Variants in ANXA2 observed in about 807,000 individuals in gnomAD.
ANXA2 encodes the protein annexin II.
A neutral mutation model predicts 47.3 loss-of-function variants in ANXA2; 28 were observed. That is an observed-to-expected ratio of 0.59 (90% CI 0.44 to 0.81). ANXA2 has a LOEUF of 0.81. Among genes scored for constraint, ANXA2 ranks in the 40% least tolerant of loss-of-function variants. ANXA2 has a pLI of 0.00. For missense variants in ANXA2, 384 were observed against 414.3 expected (o/e 0.93, Z 0.64); for synonymous variants, 172 against 155.5 (o/e 1.11, Z -0.79).
chr15:60,355,978 T>C lies in ANXA2; in HGVS notation c.469A>G (p.Lys157Glu), dbSNP rs1457172914. The change falls in exon 7 of 13, where the codon AAG (lysine) becomes GAG (glutamate). Residue 157 changes from lysine (K) to glutamate (E), a missense_variant. Coordinates refer to ENST00000451270, the MANE Select transcript of ANXA2 (RefSeq NM_004039.3). ...YKEMYKTDLE[K>E]DIISDTSGDF... Reference sequence around the variant, plus strand: ...CCAGATGTGTCCGAAATAATGTCCTTCTCCAGATCAGTCTTGTACACTTGG... The same window carrying C: ...CCAGATGTGTCCGAAATAATGTCCTCCTCCAGATCAGTCTTGTACACTTGG... 1 of 1,613,954 alleles carries C rather than the reference T, an allele frequency of 6.2e-7. No individual in the cohort carries two copies. The highest frequency in any genetic ancestry group is 8.5e-7 in the Non-Finnish European group (1 of 1,179,858).
intron 3 of ANXA2, among the ~76,000 whole-genome samples, chr15:60,379,928 C>T (rs1566945165): frequency 6.6e-6 from 1 of 152,192 alleles, no homozygotes; most frequent in South Asian, 2.1e-4. Context: ...GCAATCTTTA[C>T]ATTCCAGTGC....
intron 3 of ANXA2, among the ~76,000 whole-genome samples, chr15:60,369,856 A>G (rs2062689151): frequency 6.6e-6 from 1 of 152,214 alleles, no homozygotes; most frequent in African/African-American, 2.4e-5. Context: ...ATCGACTACA[A>G]TTTTAGGAAA....
intron 4 of ANXA2, chr15:60,363,029 C>CAAAAAAAAAAAAAAAAAAA (rs55992595): frequency 4.1e-5 from 3 of 74,072 alleles, no homozygotes; most frequent in Admixed American, 1.9e-4. Flanking sequence ...GACCCTGTCA[C>CAAAAAAAAAAAAAAAAAAA]AAAAAAAAAA....
At chr15:60,397,800 G>T in intron 1 of ANXA2, 143 bp downstream of exon 1, 1 of 1,300,348 alleles carries the variant, frequency 7.7e-7, no homozygotes, top group Non-Finnish European at 9.9e-7. Flanking sequence ...TCCAGTGCCG[G>T]CCGTCCCTTC....
Position 60,352,335 on chromosome 15 carries a change from C to G in ANXA2, c.682+48G>C. On this transcript the variant is annotated intron_variant, in intron 9 of 12. Transcript: ENST00000451270. This position sits in a 1 kb window ranked among gnomAD's most constrained non-coding sequence, Gnocchi z 4.2. ...CCAACATGGACATCCACCCAGCCGC[C>G]CCAGCCAGGGCCCCAAGGCACTGAG... The G allele has an allele frequency of 7.0e-7, 1 of 1,419,494 alleles. No homozygotes were observed. The highest frequency in any genetic ancestry group is 1.8e-4 in the Middle Eastern group (1 of 5,558). The allele number at this position is 1,419,494 out of a possible 1,614,324, so 87.9% of individuals were successfully genotyped here.
chr15:60,347,543 G>T lies in ANXA2; in HGVS notation c.*87C>A. On this transcript the variant is annotated 3_prime_UTR_variant, in exon 13 of 13. Transcript: ENST00000451270. ...GTCACCCTCACAGGGATGGCCACGGGGACTGTTATTCGCAAGCTGGTTTTC... is the reference window on the plus strand; with the variant it reads ...GTCACCCTCACAGGGATGGCCACGGTGACTGTTATTCGCAAGCTGGTTTTC... The T allele has an allele frequency of 7.4e-7, 1 of 1,344,880 alleles. No individual in the cohort carries two copies. Among genetic ancestry groups the T allele is most frequent in the Non-Finnish European group, 1.1e-6 (1 of 938,764 alleles). 83.3% of individuals were successfully genotyped at this position (1,344,880 alleles called of 1,614,324 possible). A position where few individuals can be genotyped will look rare whatever the true frequency, so the allele number is the denominator to read the frequency against.
intron 3 of ANXA2, among the ~76,000 whole-genome samples, chr15:60,375,788 T>C (rs148103454): frequency 7.8e-4 from 119 of 152,306 alleles, no homozygotes; most frequent in Non-Finnish European, 1.4e-3. Context: ...TTTAGCAGTA[T>C]TGTGCTTCTC....
chr15:60,374,453 T>C (rs2062751078), intron 3 of ANXA2: 1 of 456,036 alleles, frequency 2.2e-6, no homozygotes, highest in Non-Finnish European at 4.4e-6. Flanking sequence ...TTAACTCACT[T>C]GATATTGGAG....
intron 4 of ANXA2, among the ~76,000 whole-genome samples, chr15:60,363,923 T>A (rs752314303): frequency 2.6e-5 from 4 of 152,216 alleles, no homozygotes; most frequent in African/African-American, 9.6e-5. Flanking sequence ...TGTACAAAAC[T>A]GAGCACAGTG....
Position 60,361,149 on chromosome 15 carries a change from T to C in ANXA2, c.244-95A>G, listed in dbSNP as rs1056620353. The C allele has an allele frequency of 1.5e-5, 13 of 854,418 alleles. No homozygotes were observed. The Admixed American group carries it at 1.8e-4, about 12-fold the overall frequency. The allele number at this position is 854,418 out of a possible 1,614,324, so 52.9% of individuals were successfully genotyped here. A position where few individuals can be genotyped will look rare whatever the true frequency, so the allele number is the denominator to read the frequency against. On this transcript the variant is annotated intron_variant, in intron 4 of 12. Coordinates refer to ENST00000451270, the MANE Select transcript of ANXA2 (RefSeq NM_004039.3). The stretch of plus-strand genomic sequence containing the variant: ...AAGAGGGATCTTTTTGTGAAGCAGG[T>C]TGTGAGTCTTTGACCACTCCGGAGT...
intron 5 of ANXA2, among the ~76,000 whole-genome samples, chr15:60,359,710 G>A (rs1431399400): frequency 6.6e-6 from 1 of 152,186 alleles, no homozygotes; most frequent in African/African-American, 2.4e-5. Context: ...ACTGAACTGT[G>A]ACATTAGCTC....
intron 1 of ANXA2, chr15:60,390,611 G>C (rs942037583): frequency 3.6e-6 from 1 of 277,420 alleles, no homozygotes; most frequent in African/African-American, 2.3e-5. Context: ...GAAAATGCTG[G>C]CTGTTAAGAC....
chr15:60,373,577 C>CA (rs1840857269), intron 3 of ANXA2, among the ~76,000 whole-genome samples: 1 of 152,182 alleles, frequency 6.6e-6, no homozygotes, highest in African/African-American at 2.4e-5. Flanking sequence ...CTCATCAAGA[C>CA]AGGACACCCA....
intron 1 of ANXA2, chr15:60,390,690 CTTTTG>C (rs1351633663): frequency 4.5e-6 from 1 of 221,614 alleles, no homozygotes; most frequent in African/African-American, 2.3e-5. Flanking sequence ...TAAGCATCAT[CTTTTG>C]TTTTATTATG....
chr15:60,347,558 A>G lies in ANXA2; in HGVS notation c.*72T>C, dbSNP rs1173630764. ...ATGGCCACGGGGACTGTTATTCGCA[A>G]GCTGGTTTTCTAGACCTGTTAGCTG... On this transcript the variant is annotated 3_prime_UTR_variant, in exon 13 of 13. Coordinates refer to ENST00000451270, the MANE Select transcript of ANXA2 (RefSeq NM_004039.3). 6.7e-7 allele frequency: 1 copy of G among 1,500,050 alleles called. No homozygotes were observed. Among genetic ancestry groups the G allele is most frequent in the African/African-American group, 1.4e-5 (1 of 72,518 alleles). The allele number at this position is 1,500,050 out of a possible 1,614,324, so 92.9% of individuals were successfully genotyped here. A position where few individuals can be genotyped will look rare whatever the true frequency, so the allele number is the denominator to read the frequency against.
Position 60,356,146 on chromosome 15 carries a change from G to A in ANXA2, c.449-148C>T. On this transcript the variant is annotated intron_variant, in intron 6 of 12. Coordinates refer to ENST00000451270, the MANE Select transcript of ANXA2 (RefSeq NM_004039.3). ...TTCTCCTTAACCCCAAACAGAGGAA[G>A]GATTCACTAGAATGATTTTCGCCCT... 4.8e-6 allele frequency: 3 copies of A among 627,700 alleles called. No homozygotes were observed. In the Admixed American group the frequency reaches 8.5e-5, roughly 18 times the overall value. The allele number at this position is 627,700 out of a possible 1,614,324, so 38.9% of individuals were successfully genotyped here.
At chr15:60,397,817 C>G in intron 1 of ANXA2, 126 bp downstream of exon 1, 1 of 1,357,540 alleles carries the variant, frequency 7.4e-7, no homozygotes, top group East Asian at 3.1e-5. Context: ...CTTCAGCCCC[C>G]TGCCCCCGAC....
intron 3 of ANXA2, among the ~76,000 whole-genome samples, chr15:60,376,278 A>G (rs1219207846): frequency 1.3e-5 from 2 of 151,966 alleles, no homozygotes; most frequent in Non-Finnish European, 2.9e-5. Context: ...GCTACTCGGG[A>G]GGCTGAGGTA....
intron 3 of ANXA2, among the ~76,000 whole-genome samples, chr15:60,368,183 G>A (rs1255570961): frequency 7.5e-5 from 11 of 147,364 alleles, no homozygotes; most frequent in African/African-American, 2.2e-4. Flanking sequence ...GCGGGAGGCC[G>A]CAGGGTCCTC....
Sources: allele counts gnomAD v4.1 joint callset (sites outside exome capture counted in the v4.1 genomes callset), GRCh38; gene constraint gnomAD v4.1.1; non-coding constraint Gnocchi (gnomAD v3.1); transcripts MANE v1.5; gene names NCBI Gene and HGNC (gene_info 2026-07-23, HGNC 2026-07-21).